The following ZNF831 variants were observed in gnomAD, a reference collection of about 807,000 sequenced individuals.
ZNF831 encodes zinc finger protein 831, also known as chromosome 20 open reading frame 174.
Under a neutral mutation model 95.8 loss-of-function variants are expected in ZNF831, and 59 were observed. That is an observed-to-expected ratio of 0.62 (90% CI 0.50 to 0.77). The LOEUF is 0.77. ZNF831 is among the 30% of genes least tolerant of loss of function. ZNF831 has a pLI of 0.00. For missense variants in ZNF831, 2,205 were observed against 2,164.0 expected, an observed-to-expected ratio of 1.02 and a Z score of -0.38; for synonymous variants, 961 against 925.5, an observed-to-expected ratio of 1.04 and a Z score of -0.70.
At chr20:59,214,367 G>A (rs1322659467) in intron 4 of ZNF831, among the ~76,000 whole-genome samples, 2 of 152,208 alleles carry the variant, frequency 1.3e-5, no homozygotes, top group Non-Finnish European at 2.9e-5. Context: ...CAGTCAGGGT[G>A]TAGGTTAAAT....
rs1438195657 is a variant in ZNF831, at chr20:59,186,649, GA to G, written c.-36-4332del. ...AGGTTCCTGAAATTCTCAGCTAGTA[GA>G]AAGGTTGCAGCGTCTTGAGGTAAGC... On this transcript the variant is annotated intron_variant, in intron 1 of 5. Transcript: ENST00000371030. 3.3e-5 allele frequency among the ~76,000 whole-genome samples: 5 copies of G among 152,336 alleles called. No individual in the cohort carries two copies. The East Asian group carries it at 7.7e-4, about 23-fold the overall frequency.
At chr20:59,136,758 C>T (rs942169489) in intron 1 of ZNF831, among the ~76,000 whole-genome samples, 1 of 152,188 alleles carries the variant, frequency 6.6e-6, no homozygotes, top group Non-Finnish European at 1.5e-5. Context: ...TACAAGTTGT[C>T]CCCCAAAATC....
In ZNF831 at chr20:59,255,754, G is replaced by A. The variant is rs1008465286; in HGVS notation, c.*1011G>A. ...ATACAAAACTAATTGGAGTTTTGAC[G>A]CTGTTTTACATCTCGGTAATTTTAT... On this transcript the variant is annotated 3_prime_UTR_variant, in exon 6 of 6. Transcript: ENST00000371030. 1 of 152,132 alleles carries A rather than the reference G, an allele frequency of 6.6e-6. No individual in the cohort carries two copies. The highest frequency in any genetic ancestry group is 1.5e-5 in the Non-Finnish European group (1 of 68,034). The allele number at this position is 152,132 out of a possible 1,614,324, so 9.4% of individuals were successfully genotyped here.
intron 1 of ZNF831, among the ~76,000 whole-genome samples, chr20:59,135,505 G>T (rs578227513): frequency 3.3e-5 from 5 of 152,358 alleles, no homozygotes; most frequent in African/African-American, 1.2e-4. Flanking sequence ...GCCGAGGCGG[G>T]CAGATCATGA....
At chr20:59,235,384 A>G (rs906046309) in intron 4 of ZNF831, among the ~76,000 whole-genome samples, 1 of 152,100 alleles carries the variant, frequency 6.6e-6, no homozygotes, top group Non-Finnish European at 1.5e-5. Context: ...CTGCTGCTGC[A>G]TGCGTTTCCT....
intron 4 of ZNF831, among the ~76,000 whole-genome samples, chr20:59,249,563 T>C (rs1987784670): frequency 6.6e-6 from 1 of 152,186 alleles, no homozygotes; most frequent in Admixed American, 6.5e-5. Context: ...GGGCCCAGGA[T>C]GTGGTTGTTG....
chr20:59,184,409 C>A (rs865896393), intron 1 of ZNF831, among the ~76,000 whole-genome samples: 4 of 152,150 alleles, frequency 2.6e-5, no homozygotes, highest in African/African-American at 4.8e-5. Flanking sequence ...CTCCCTCCCC[C>A]CTTTTTTTTT....
At chr20:59,230,534 G>A (rs571002014) in intron 4 of ZNF831, among the ~76,000 whole-genome samples, 10 of 152,208 alleles carry the variant, frequency 6.6e-5, no homozygotes, top group Admixed American at 1.3e-4. Flanking sequence ...ACATGGCTGT[G>A]TTTCAATAAA....
intron 1 of ZNF831, among the ~76,000 whole-genome samples, chr20:59,185,123 G>A (rs1008721099): frequency 3.3e-5 from 5 of 152,084 alleles, no homozygotes; most frequent in East Asian, 1.9e-4. Context: ...TCCCAGCCCC[G>A]GCCCCCAGCT....
intron 3 of ZNF831, among the ~76,000 whole-genome samples, chr20:59,198,764 A>T (rs1382403873): frequency 6.6e-6 from 1 of 152,126 alleles, no homozygotes; most frequent in African/African-American, 2.4e-5. Flanking sequence ...GTTGATAGTG[A>T]TTTGTTTATC....
Position 59,229,734 on chromosome 20 carries a change from CT to C in ZNF831, c.4027+22682del, listed in dbSNP as rs1160549576. On this transcript the variant is annotated intron_variant, in intron 4 of 5. Coordinates refer to ENST00000371030, the MANE Select transcript of ZNF831 (RefSeq NM_178457.3). ...TGTTCCTGCCCCACCCACCCCTACT[CT>C]TTTCATTTAATTTTTTGGGTGGCAT... is the stretch of plus-strand genomic sequence containing the variant. 6.6e-5 allele frequency among the ~76,000 whole-genome samples: 10 copies of C among 152,248 alleles called. No individual in the cohort carries two copies. The South Asian group carries it at 8.3e-4, about 13-fold the overall frequency.
intron 1 of ZNF831, among the ~76,000 whole-genome samples, chr20:59,127,186 GC>G (rs1420604227): frequency 6.6e-6 from 1 of 152,030 alleles, no homozygotes; most frequent in African/African-American, 2.4e-5. Flanking sequence ...GTCCCCTTGG[GC>G]CTGCCTTTGA....
intron 1 of ZNF831, among the ~76,000 whole-genome samples, chr20:59,183,735 A>G (rs1412707456): frequency 6.6e-6 from 1 of 152,236 alleles, no homozygotes; most frequent in Non-Finnish European, 1.5e-5. Context: ...CGAAGTTAAT[A>G]GACAATTTTT....
chr20:59,134,406 T>A (rs1979442101), intron 1 of ZNF831, among the ~76,000 whole-genome samples: 1 of 152,218 alleles, frequency 6.6e-6, no homozygotes, highest in African/African-American at 2.4e-5. Context: ...AGAACGTCAT[T>A]GATTGCTGAA....
Position 59,254,153 on chromosome 20 carries a change from C to G in ZNF831, c.4444C>G (p.Pro1482Ala), listed in dbSNP as rs1173428796. 1 of 1,614,108 alleles carries G rather than the reference C, an allele frequency of 6.2e-7. No homozygotes were observed. Among genetic ancestry groups the G allele is most frequent in the East Asian group, 2.2e-5 (1 of 44,860 alleles). ...TTCCTTTGGGTCCAAAGGAACTTTT[C>G]CCCACCATGACATTGCTACCTCTGT... is the stretch of plus-strand genomic sequence containing the variant. ...PSSFGSKGTF[P>A]HHDIATSVAA... Residue 1482 changes from proline to alanine, a missense_variant, in exon 6 of 6, where the codon CCC (proline) becomes GCC (alanine). Physicochemically the swap from Pro to Ala is conservative, Grantham distance 27. Transcript: ENST00000371030. The surrounding 1 kb of genome is among the most constrained non-coding windows in gnomAD (Gnocchi z 4.5).
intron 4 of ZNF831, among the ~76,000 whole-genome samples, chr20:59,214,406 T>C (rs1985544042): frequency 6.6e-6 from 1 of 152,216 alleles, no homozygotes; most frequent in African/African-American, 2.4e-5. Context: ...TGCTGCCGTT[T>C]CATTTCTCAC....
chr20:59,129,794 G>T (rs1198088136), intron 1 of ZNF831, among the ~76,000 whole-genome samples: 1 of 152,194 alleles, frequency 6.6e-6, no homozygotes, highest in Non-Finnish European at 1.5e-5. Context: ...CACACGGTGT[G>T]CAGGATTGGC....
chr20:59,143,786 G>A (rs1488951208), intron 1 of ZNF831, among the ~76,000 whole-genome samples: 3 of 152,202 alleles, frequency 2.0e-5, no homozygotes, highest in African/African-American at 7.2e-5. Flanking sequence ...GTGTGCTGAG[G>A]ATTGTATTGC....
rs778166796 is a variant in ZNF831, at chr20:59,192,195, G to A, written c.1176G>A (p.Ala392=). 1.9e-5 allele frequency: 30 copies of A among 1,573,850 alleles called. 2 individuals are homozygous for A. Among genetic ancestry groups the A allele is most frequent in the Non-Finnish European group, 1.5e-5 (18 of 1,161,748 alleles). The part of the protein sequence containing the change: ...GPGVAGAEPG[A]REAGLELEKK... Reference sequence around the variant, plus strand: ...GGGTCGCAGGGGCCGAGCCCGGGGCGCGAGAAGCCGGCCTGGAGCTGGAGA... The same window carrying A: ...GGGTCGCAGGGGCCGAGCCCGGGGCACGAGAAGCCGGCCTGGAGCTGGAGA... Residue 392 remains alanine (A), a synonymous_variant, in exon 2 of 6, where the codon GCG becomes GCA. Coordinates refer to ENST00000371030, the MANE Select transcript of ZNF831 (RefSeq NM_178457.3). This position sits in a 1 kb window ranked among gnomAD's most constrained non-coding sequence, Gnocchi z 5.2.
Sources: allele counts gnomAD v4.1 joint callset (sites outside exome capture counted in the v4.1 genomes callset), GRCh38; gene constraint gnomAD v4.1.1; non-coding constraint Gnocchi (gnomAD v3.1); transcripts MANE v1.5; gene names NCBI Gene and HGNC (gene_info 2026-07-23, HGNC 2026-07-21).